TEKT5: variants seen among roughly 807,000 people sequenced by gnomAD.
TEKT5 encodes the protein tektin 5.
In TEKT5, 52 loss-of-function variants were observed where a neutral mutation model predicts 48.7. The ratio of observed to expected loss-of-function variants is 1.07; its 90% CI spans 0.86 to 1.35. The LOEUF is 1.35. TEKT5 is among the 40% of genes most tolerant of loss of function. The pLI, the probability that TEKT5 is intolerant of heterozygous loss-of-function variation, is 0.00. For missense variants in TEKT5, 831 were observed against 641.6 expected, an observed-to-expected ratio of 1.30 and a Z score of -3.19; for synonymous variants, 318 against 267.6, an observed-to-expected ratio of 1.19 and a Z score of -1.84.
At chr16:10,675,768 GGA>G (rs1171252491) in intron 5 of TEKT5, among the ~76,000 whole-genome samples, 189 bp downstream of exon 5, 1 of 152,164 alleles carries the variant, frequency 6.6e-6, no homozygotes, top group Non-Finnish European at 1.5e-5. Context: ...GATGGACTAT[GGA>G]TGCTTAAATC....
intron 3 of TEKT5, among the ~76,000 whole-genome samples, chr16:10,682,546 T>C (rs999139147): frequency 6.6e-6 from 1 of 152,212 alleles, no homozygotes; most frequent in Non-Finnish European, 1.5e-5. Context: ...CAGGCTGGTC[T>C]TGAACTCCTA....
intron 5 of TEKT5, among the ~76,000 whole-genome samples, chr16:10,640,124 C>CGTCTTCCTCCT (rs1366562796): frequency 5.4e-5 from 8 of 148,828 alleles, no homozygotes; most frequent in Admixed American, 4.7e-4. Context: ...TTCCTCCTCC[C>CGTCTTCCTCCT]CCCTTCCTCC....
At chr16:10,673,524 CCTTCTCCA>C (rs1898585575) in intron 5 of TEKT5, among the ~76,000 whole-genome samples, 2 of 152,046 alleles carry the variant, frequency 1.3e-5, no homozygotes, top group Admixed American at 6.6e-5. Flanking sequence ...GCCAACTTTG[CCTTCTCCA>C]GGTATCTCAC....
Position 10,678,386 on chromosome 16 carries a change from C to T in TEKT5, c.864-2205G>A, listed in dbSNP as rs568150581. 5.3e-5 allele frequency among the ~76,000 whole-genome samples: 8 copies of T among 152,284 alleles called. No homozygotes were observed. The South Asian group carries it at 6.2e-4, about 12-fold the overall frequency. On this transcript the variant is annotated intron_variant, in intron 4 of 6. Coordinates refer to ENST00000283025, the MANE Select transcript of TEKT5 (RefSeq NM_144674.2). ...TGCTGGAATTACGGGTCTGAGCCAC[C>T]GCACCCGGCCTCTTTTCAGACATTT...
At chr16:10,684,618 T>C (rs1898825104) in intron 3 of TEKT5, among the ~76,000 whole-genome samples, 1 of 152,254 alleles carries the variant, frequency 6.6e-6, no homozygotes, top group East Asian at 1.9e-4. Context: ...AGCTGGAATG[T>C]GAAGCGAGGC....
At chr16:10,652,968 C>T (rs1339574227) in intron 5 of TEKT5, among the ~76,000 whole-genome samples, 1 of 152,190 alleles carries the variant, frequency 6.6e-6, no homozygotes, top group Non-Finnish European at 1.5e-5. Flanking sequence ...CTTATATACA[C>T]AGGCAGAGAC....
At chr16:10,685,368 T>G (rs1319846196) in intron 3 of TEKT5, among the ~76,000 whole-genome samples, 1 of 152,168 alleles carries the variant, frequency 6.6e-6, no homozygotes, top group Non-Finnish European at 1.5e-5. Flanking sequence ...GGCACGATCT[T>G]GGCTCACTAC....
At chr16:10,658,620 G>T (rs1256825496) in intron 5 of TEKT5, among the ~76,000 whole-genome samples, 1 of 151,882 alleles carries the variant, frequency 6.6e-6, no homozygotes, top group African/African-American at 2.4e-5. Flanking sequence ...GTATGAGGGG[G>T]GCTCCTGGAA....
At position 10,689,991 on chromosome 16, in the gene TEKT5, C is replaced by T; in HGVS notation, c.599G>A (p.Arg200Lys). 2 of 1,614,112 alleles carry T rather than the reference C, an allele frequency of 1.2e-6. No homozygotes were observed. The highest frequency in any genetic ancestry group is 1.7e-6 in the Non-Finnish European group (2 of 1,180,020). Reference sequence around the variant, plus strand: ...GTCATGGACCAAATCAATCCCAATCCTCTTCTCTCGATGGTACAGACACTC... The same window carrying T: ...GTCATGGACCAAATCAATCCCAATCTTCTTCTCTCGATGGTACAGACACTC... ...ALECLYHREK[R>K]IGIDLVHDNV... Residue 200 changes from arginine to lysine, a missense_variant, in exon 2 of 7, where the codon AGG (arginine) becomes AAG (lysine). By Grantham distance (26) the Arg-to-Lys change is conservative (BLOSUM62 2). Coordinates refer to ENST00000283025, the MANE Select transcript of TEKT5 (RefSeq NM_144674.2).
intron 5 of TEKT5, 43 bp downstream of exon 5, chr16:10,675,916 G>C (rs537597555): frequency 2.5e-6 from 4 of 1,595,702 alleles, no homozygotes; most frequent in Non-Finnish European, 3.4e-6. Context: ...AGAAGGGTGA[G>C]GGCTTGGCAG....
chr16:10,670,382 C>T (rs574779529), intron 5 of TEKT5, among the ~76,000 whole-genome samples: 2 of 152,120 alleles, frequency 1.3e-5, no homozygotes, highest in Admixed American at 1.3e-4. Context: ...CAAAAATTAG[C>T]CGAGCATGGT....
At position 10,652,933 on chromosome 16, in the gene TEKT5, CT is replaced by C. The variant is rs1898194674; in HGVS notation, c.1087-17016del. Among the ~76,000 whole-genome samples the C allele has an allele frequency of 3.6e-5, 5 of 138,632 alleles. No individual in the cohort carries two copies. The South Asian group carries it at 1.2e-3, about 33-fold the overall frequency. 90.9% of individuals were successfully genotyped at this position (138,632 alleles called of 152,430 possible). ...GCAGAGACACACACACACACCCTCC[CT>C]CTCCAGGTCAGGTAGAACAATCTCT... On this transcript the variant is annotated intron_variant, in intron 5 of 6. Coordinates refer to ENST00000283025, the MANE Select transcript of TEKT5 (RefSeq NM_144674.2).
At chr16:10,659,031 TTC>T (rs1898314256) in intron 5 of TEKT5, among the ~76,000 whole-genome samples, 1 of 152,180 alleles carries the variant, frequency 6.6e-6, no homozygotes, top group Admixed American at 6.5e-5. Flanking sequence ...GACCAGATCA[TTC>T]TGTGTGTGGT....
intron 5 of TEKT5, among the ~76,000 whole-genome samples, chr16:10,649,442 TTC>T (rs1898119541): frequency 6.6e-6 from 1 of 151,998 alleles, no homozygotes; most frequent in Non-Finnish European, 1.5e-5. Context: ...TTTTTTAATT[TTC>T]TTTTTCTTTT....
chr16:10,668,596 G>T (rs1051838149), intron 5 of TEKT5, among the ~76,000 whole-genome samples: 5 of 152,284 alleles, frequency 3.3e-5, no homozygotes, highest in South Asian at 2.1e-4. Context: ...CACCAGCAGG[G>T]GCCCTCACCC....
intron 5 of TEKT5, among the ~76,000 whole-genome samples, chr16:10,653,984 T>G (rs1028561328): frequency 6.6e-6 from 1 of 151,570 alleles, no homozygotes; most frequent in Admixed American, 6.6e-5. Flanking sequence ...CTAAGTAAAA[T>G]TGTGTGTGTG....
intron 6 of TEKT5, among the ~76,000 whole-genome samples, chr16:10,634,425 C>T (rs972810116): frequency 6.6e-6 from 1 of 152,124 alleles, no homozygotes; most frequent in Admixed American, 6.6e-5. Flanking sequence ...GTGAGCACAG[C>T]CCTGGGCACA....
Position 10,694,553 on chromosome 16 carries a change from G to A in TEKT5, c.321C>T (p.Ala107=), listed in dbSNP as rs150387539. 1 of 1,604,032 alleles carries A rather than the reference G, an allele frequency of 6.2e-7. No homozygotes were observed. Among genetic ancestry groups the A allele is most frequent in the Admixed American group, 1.7e-5 (1 of 59,116 alleles). The change falls in exon 1 of 7, where the codon GCC becomes GCT. Residue 107 remains alanine, a synonymous_variant. Transcript: ENST00000283025. Reference sequence around the variant, plus strand: ...TCAGCCGGCTGGCCCACAGCCGGGAGGCCTCGGCCCCACGCACCTGCAGCT... The same window carrying A: ...TCAGCCGGCTGGCCCACAGCCGGGAAGCCTCGGCCCCACGCACCTGCAGCT... ...SNQLQVRGAE[A]SRLWASRLTD... is the part of the protein sequence containing the mutation.
At chr16:10,647,313 T>A (rs12149444) in intron 5 of TEKT5, among the ~76,000 whole-genome samples, 6,939 of 149,438 alleles carry the variant, frequency 0.046, 305 homozygotes, top group African/African-American at 0.11. Context: ...ACAAAAAATT[T>A]AAAAAAAAAT....
Sources: allele counts gnomAD v4.1 joint callset (sites outside exome capture counted in the v4.1 genomes callset), GRCh38; gene constraint gnomAD v4.1.1; transcripts MANE v1.5; gene names NCBI Gene and HGNC (gene_info 2026-07-23, HGNC 2026-07-21).